The following GPR158 variants were observed in gnomAD, a reference collection of about 807,000 sequenced individuals.
GPR158 encodes G protein-coupled receptor 158, also known as metabotropic glycine receptor.
Under a neutral mutation model 78.2 loss-of-function variants are expected in GPR158, and 30 were observed. The observed-to-expected ratio is 0.38, with a 90% CI of 0.29 to 0.52. The LOEUF (loss-of-function observed/expected upper bound fraction) is 0.52. Ranked by LOEUF, GPR158 falls within the 20% of genes least tolerant of loss-of-function variation. The pLI, the probability that GPR158 is intolerant of heterozygous loss-of-function variation, is 0.83. For synonymous variants in GPR158, 581 were observed against 591.1 expected, an observed-to-expected ratio of 0.98 and a Z score of 0.25; for missense variants, 1,463 against 1,523.5, an observed-to-expected ratio of 0.96 and a Z score of 0.66.
intron 7 of GPR158, among the ~76,000 whole-genome samples, chr10:25,575,682 C>G (rs1421406827): frequency 2.0e-5 from 3 of 152,150 alleles, no homozygotes; most frequent in Non-Finnish European, 2.9e-5. Context: ...TCCATTCATT[C>G]TTACTGTTCC....
At chr10:25,209,729 C>T (rs1180762473) in intron 1 of GPR158, among the ~76,000 whole-genome samples, 1 of 152,170 alleles carries the variant, frequency 6.6e-6, no homozygotes, top group African/African-American at 2.4e-5. Flanking sequence ...TGGCTTGTGA[C>T]TTAAGTTTTA....
intron 2 of GPR158, among the ~76,000 whole-genome samples, chr10:25,295,188 GTCTA>G (rs1264109386): frequency 4.6e-5 from 7 of 152,156 alleles, no homozygotes; most frequent in African/African-American, 1.2e-4. Context: ...CTATTATTGA[GTCTA>G]TCTCTTTCTT....
intron 2 of GPR158, among the ~76,000 whole-genome samples, chr10:25,247,831 A>G (rs1302840670): frequency 2.9e-4 from 43 of 149,064 alleles, no homozygotes; most frequent in African/African-American, 7.8e-4. Context: ...GTATATACCC[A>G]GTAATGGGAT....
intron 2 of GPR158, among the ~76,000 whole-genome samples, chr10:25,306,575 A>G (rs72794286): frequency 0.2 from 30,773 of 152,140 alleles, 5,254 homozygotes; most frequent in African/African-American, 0.47. Flanking sequence ...GTATATGCAC[A>G]TGCAGACATA....
At chr10:25,180,515 C>T (rs1429739654) in intron 1 of GPR158, among the ~76,000 whole-genome samples, 1 of 152,142 alleles carries the variant, frequency 6.6e-6, no homozygotes, top group Admixed American at 6.5e-5. Flanking sequence ...AAGTAATATA[C>T]TTTGCCCAAA....
intron 5 of GPR158, among the ~76,000 whole-genome samples, chr10:25,537,546 A>G (rs887055676): frequency 6.6e-6 from 1 of 152,156 alleles, no homozygotes; most frequent in East Asian, 1.9e-4. Flanking sequence ...TGTTATGTAT[A>G]TACACACATA....
intron 5 of GPR158, among the ~76,000 whole-genome samples, chr10:25,506,722 C>T (rs1181925350): frequency 1.3e-5 from 2 of 152,124 alleles, no homozygotes; most frequent in Non-Finnish European, 2.9e-5. Context: ...CCATACAGGC[C>T]CAGCCAATGT....
chr10:25,204,818 GTTTTTT>G lies in GPR158; in HGVS notation c.903-16221_903-16216del, dbSNP rs1159106958. On this transcript the variant is annotated intron_variant, in intron 1 of 10. Coordinates refer to ENST00000376351, the MANE Select transcript of GPR158 (RefSeq NM_020752.3). ...GAGGTGTTCAAAGTAGTCTCTGAGGGTTTTTTTTTTTTTTTTTTGTCATTTCGGTGG... is the reference window on the plus strand; with the variant it reads ...GAGGTGTTCAAAGTAGTCTCTGAGGGTTTTTTTTTTTTGTCATTTCGGTGG... Among the ~76,000 whole-genome samples, 6 of 118,968 alleles carry G rather than the reference GTTTTTT, an allele frequency of 5.0e-5. No homozygotes were observed. The East Asian group carries it at 1.4e-3, about 27-fold the overall frequency. The allele number at this position is 118,968 out of a possible 152,430, so 78.0% of individuals were successfully genotyped here. A position where few individuals can be genotyped will look rare whatever the true frequency, so the allele number is the denominator to read the frequency against.
intron 2 of GPR158, among the ~76,000 whole-genome samples, chr10:25,333,691 A>T (rs1313664804): frequency 6.6e-6 from 1 of 152,204 alleles, no homozygotes; most frequent in African/African-American, 2.4e-5. Flanking sequence ...ATATCCTTCA[A>T]AATGAGAAGA....
chr10:25,349,497 C>A (rs1773652), intron 2 of GPR158, among the ~76,000 whole-genome samples: 5 of 145,798 alleles, frequency 3.4e-5, no homozygotes, highest in Non-Finnish European at 7.4e-5. Context: ...CAGATTTCCC[C>A]CTTGCTGTTC....
At chr10:25,509,197 A>G (rs935473840) in intron 5 of GPR158, among the ~76,000 whole-genome samples, 9 of 152,164 alleles carry the variant, frequency 5.9e-5, no homozygotes, top group African/African-American at 2.2e-4. Context: ...ACATTTTCAC[A>G]TGTCACCTGG....
In GPR158 at chr10:25,598,588, T is replaced by G; in HGVS notation, c.2962T>G (p.Ser988Ala). 1 of 1,613,894 alleles carries G rather than the reference T, an allele frequency of 6.2e-7. No individual in the cohort carries two copies. Among genetic ancestry groups the G allele is most frequent in the Non-Finnish European group, 8.5e-7 (1 of 1,179,986 alleles). ...AAGGGTCAACCCCACCACTGCCAAT[T>G]CTGACCTGAACCCAGGCACCACCCA... ...QQRVNPTTAN[S>A]DLNPGTTQMK... The change falls in exon 11 of 11, where the codon TCT becomes GCT. Residue 988 changes from serine (S) to alanine (A), a missense_variant. Transcript: ENST00000376351.
chr10:25,196,386 C>T (rs1250736303), intron 1 of GPR158, among the ~76,000 whole-genome samples: 1 of 152,040 alleles, frequency 6.6e-6, no homozygotes, highest in Admixed American at 6.6e-5. Flanking sequence ...CTTTGAGGAT[C>T]TTAATTTAAA....
At chr10:25,247,740 A>G (rs1324761654) in intron 2 of GPR158, among the ~76,000 whole-genome samples, 2 of 151,740 alleles carry the variant, frequency 1.3e-5, no homozygotes, top group South Asian at 2.1e-4. Context: ...GTTGCTTCCA[A>G]GTCTTTGCTA....
At chr10:25,575,689 T>G (rs1284468257) in intron 7 of GPR158, among the ~76,000 whole-genome samples, 1 of 152,166 alleles carries the variant, frequency 6.6e-6, no homozygotes, top group African/African-American at 2.4e-5. Flanking sequence ...ATTCTTACTG[T>G]TCCCCGATCA....
At chr10:25,299,423 C>A (rs1343148833) in intron 2 of GPR158, among the ~76,000 whole-genome samples, 2 of 152,216 alleles carry the variant, frequency 1.3e-5, no homozygotes, top group Non-Finnish European at 2.9e-5. Flanking sequence ...TCATTAACTA[C>A]ATTTCCACCC....
intron 5 of GPR158, among the ~76,000 whole-genome samples, chr10:25,517,505 G>A (rs1048845739): frequency 2.0e-5 from 3 of 152,016 alleles, no homozygotes; most frequent in African/African-American, 7.3e-5. Flanking sequence ...ATAGGCTGTG[G>A]GTTTGTCATA....
chr10:25,452,940 A>C (rs1311212501), intron 4 of GPR158, among the ~76,000 whole-genome samples: 3 of 152,272 alleles, frequency 2.0e-5, no homozygotes, highest in Middle Eastern at 3.4e-3. Context: ...CCATGAGTTC[A>C]ACTTTCTTAG....
intron 2 of GPR158, among the ~76,000 whole-genome samples, chr10:25,306,559 A>G (rs1170852058): frequency 6.6e-6 from 1 of 152,210 alleles, no homozygotes; most frequent in East Asian, 1.9e-4. Flanking sequence ...GTATGCATGC[A>G]TGTATGTATA....
Sources: allele counts gnomAD v4.1 joint callset (sites outside exome capture counted in the v4.1 genomes callset), GRCh38; gene constraint gnomAD v4.1.1; transcripts MANE v1.5; gene names NCBI Gene and HGNC (gene_info 2026-07-23, HGNC 2026-07-21).